ETHE1: variants seen among roughly 807,000 people sequenced by gnomAD.
The protein encoded by ETHE1 is ETHE1 persulfide dioxygenase.
A neutral mutation model predicts 25.7 loss-of-function variants in ETHE1; 16 were observed. The ratio of observed to expected loss-of-function variants is 0.62; its 90% CI spans 0.42 to 0.95. The LOEUF is 0.95. ETHE1 is among the 40% of genes least tolerant of loss of function. ETHE1 has a pLI of 0.00. For missense variants in ETHE1, 300 were observed against 333.6 expected, an observed-to-expected ratio of 0.90 and a Z score of 0.79; for synonymous variants, 139 against 135.9, an observed-to-expected ratio of 1.02 and a Z score of -0.16.
intron 3 of ETHE1, 112 bp downstream of exon 3, chr19:43,526,089 C>T: frequency 6.5e-7 from 1 of 1,541,606 alleles, no homozygotes; most frequent in South Asian, 1.1e-5. Flanking sequence ...AAACCCAGGT[C>T]CTGAGGTCCC....
At position 43,508,535 on chromosome 19, in the gene ETHE1, T is replaced by G. The variant is rs560755414; in HGVS notation, c.595+240A>C. Among the ~76,000 whole-genome samples, 3 of 152,212 alleles carry G rather than the reference T, an allele frequency of 2.0e-5. No homozygotes were observed. In the East Asian group the frequency reaches 5.8e-4, roughly 29 times the overall value. On this transcript the variant is annotated intron_variant, in intron 5 of 6. Transcript: ENST00000292147. Reference sequence around the variant, plus strand: ...CTTGTATTTTGTAGAGGCAGGGTTTTGCCATGTTACTCCAGCTGGTCTCGA... The same window carrying G: ...CTTGTATTTTGTAGAGGCAGGGTTTGGCCATGTTACTCCAGCTGGTCTCGA...
rs143289826 is a variant in ETHE1, at chr19:43,520,139, A to G, written c.375+6062T>C. Among the ~76,000 whole-genome samples the G allele has an allele frequency of 4.9e-4, 75 of 151,982 alleles. No individual in the cohort carries two copies. The East Asian group carries it at 0.012, about 25-fold the overall frequency. On this transcript the variant is annotated intron_variant, in intron 3 of 6. Coordinates refer to ENST00000292147, the MANE Select transcript of ETHE1 (RefSeq NM_014297.5). ...CAAGGCAGGTGGATCACTTGAGGTC[A>G]GGAGTTCGAGACCAGCCTGGCCAAC...
chr19:43,507,046 G>A (rs566134024), intron 6 of ETHE1, 144 bp from the exon 7 acceptor site: 1 of 793,892 alleles, frequency 1.3e-6, no homozygotes, highest in East Asian at 2.7e-5. Flanking sequence ...AGACCCAGGA[G>A]TCCAGTACCC....
At chr19:43,513,293 G>A (rs914704579) in intron 3 of ETHE1, among the ~76,000 whole-genome samples, 3 of 151,986 alleles carry the variant, frequency 2.0e-5, no homozygotes, top group African/African-American at 2.4e-5. Flanking sequence ...GTGAGAAGAG[G>A]GCCATCGCCC....
chr19:43,526,817 C>T, intron 1 of ETHE1, 158 bp from the exon 2 acceptor site: 1 of 1,505,372 alleles, frequency 6.6e-7, no homozygotes. Context: ...CCACTACCTT[C>T]CCCTATCAGA....
chr19:43,508,627 G>GC (rs1460732291), intron 5 of ETHE1, 148 bp downstream of exon 5: 1 of 736,570 alleles, frequency 1.4e-6, no homozygotes, highest in African/African-American at 1.7e-5. Context: ...ACAAGTGTGA[G>GC]CCCCCTTGCC....
chr19:43,510,263 G>T (rs1382334537), intron 4 of ETHE1, among the ~76,000 whole-genome samples: 1 of 151,958 alleles, frequency 6.6e-6, no homozygotes, highest in African/African-American at 2.4e-5. Context: ...GCCCCTAGCA[G>T]CTAGACTCCA....
chr19:43,522,328 G>A (rs1294340637), intron 3 of ETHE1, among the ~76,000 whole-genome samples: 2 of 152,004 alleles, frequency 1.3e-5, no homozygotes, highest in East Asian at 1.9e-4. Context: ...AGGAGGCTGC[G>A]GTAGGAGGAT....
chr19:43,507,249 T>C (rs1384497771), intron 6 of ETHE1, among the ~76,000 whole-genome samples: 6 of 48,370 alleles, frequency 1.2e-4, no homozygotes, highest in East Asian at 5.6e-4. Flanking sequence ...CCCCAGCCCC[T>C]CCTCCCTCAG....
rs779577885 is a variant in ETHE1, at chr19:43,526,511, T to A, written c.226+4A>T. On this transcript the variant is annotated splice_donor_region_variant and intron_variant, in intron 2 of 6. Transcript: ENST00000292147. The stretch of plus-strand genomic sequence containing the variant: ...GGATCCATGAGTTTGGTCCCCGGAC[T>A]GACCAGCATAGAGCAGCCGCAGCCC... The A allele has an allele frequency of 6.2e-7, 1 of 1,612,926 alleles. No individual in the cohort carries two copies. The highest frequency in any genetic ancestry group is 8.5e-7 in the Non-Finnish European group (1 of 1,179,592).
chr19:43,525,983 GT>G, intron 3 of ETHE1: 1 of 629,628 alleles, frequency 1.6e-6, no homozygotes, highest in South Asian at 1.9e-5. Context: ...TGACTTAGGA[GT>G]TCCGCCAGTG....
intron 3 of ETHE1, among the ~76,000 whole-genome samples, chr19:43,523,979 T>G (rs893181587): frequency 3.3e-5 from 5 of 151,860 alleles, no homozygotes; most frequent in African/African-American, 1.2e-4. Flanking sequence ...CTCATGCCTG[T>G]AATCCCAACA....
At chr19:43,517,275 T>A (rs1024960086) in intron 3 of ETHE1, among the ~76,000 whole-genome samples, 3 of 110,512 alleles carry the variant, frequency 2.7e-5, no homozygotes, top group African/African-American at 1.1e-4. Flanking sequence ...TTTGCCCAAC[T>A]GTAGGCTAAT....
Position 43,506,891 on chromosome 19 carries a change from G to C in ETHE1, c.724C>G (p.Pro242Ala), listed in dbSNP as rs1568490341. The C allele has an allele frequency of 1.9e-6, 3 of 1,613,872 alleles. No homozygotes were observed. Among genetic ancestry groups the C allele is most frequent in the Non-Finnish European group, 1.7e-6 (2 of 1,179,924 alleles). ...TGCACCCCACAGCGCATGTTGGCTGGAACAGCAAAGTCTGAAAGGAAGAAA... is the reference window on the plus strand; with the variant it reads ...TGCACCCCACAGCGCATGTTGGCTGCAACAGCAAAGTCTGAAAGGAAGAAA... ...PKPQQIDFAVPANMRCGVQTP... is the reference protein window; with the variant it reads ...PKPQQIDFAVAANMRCGVQTP... The change falls in exon 7 of 7, where the codon CCA (proline) becomes GCA (alanine). Residue 242 changes from proline to alanine, a missense_variant. Transcript: ENST00000292147.
Position 43,506,753 on chromosome 19 carries a change from G to T in ETHE1, c.*97C>A. 1 of 1,175,394 alleles carries T rather than the reference G, an allele frequency of 8.5e-7. No individual in the cohort carries two copies. Among genetic ancestry groups the T allele is most frequent in the South Asian group, 1.2e-5 (1 of 82,034 alleles). 72.8% of individuals were successfully genotyped at this position (1,175,394 alleles called of 1,614,324 possible). On this transcript the variant is annotated 3_prime_UTR_variant, in exon 7 of 7. Coordinates refer to ENST00000292147, the MANE Select transcript of ETHE1 (RefSeq NM_014297.5). ...AAAAAGTTTTATTTAGGGAGCTCCAGGGAATGCGGTGGGAAAGGAGAGGTG... is the reference window on the plus strand; with the variant it reads ...AAAAAGTTTTATTTAGGGAGCTCCATGGAATGCGGTGGGAAAGGAGAGGTG...
At chr19:43,517,022 C>T (rs1039017888) in intron 3 of ETHE1, among the ~76,000 whole-genome samples, 3 of 150,612 alleles carry the variant, frequency 2.0e-5, no homozygotes, top group Admixed American at 6.6e-5. Context: ...TGGGCTCTCA[C>T]TATGTTGACC....
chr19:43,523,486 A>G (rs529410920), intron 3 of ETHE1, among the ~76,000 whole-genome samples: 3 of 149,530 alleles, frequency 2.0e-5, no homozygotes, highest in African/African-American at 7.3e-5. Flanking sequence ...CATGTTGGCC[A>G]GGCTGATCTC....
chr19:43,518,537 G>A (rs549319822), intron 3 of ETHE1, among the ~76,000 whole-genome samples: 113 of 151,874 alleles, frequency 7.4e-4, no homozygotes, highest in Middle Eastern at 6.8e-3. Context: ...ACGAGGTCAG[G>A]AGATCGAGAC....
intron 3 of ETHE1, among the ~76,000 whole-genome samples, chr19:43,520,181 G>A (rs1028999097): frequency 3.3e-5 from 5 of 151,598 alleles, no homozygotes; most frequent in East Asian, 2.0e-4. Context: ...AAACCCCATC[G>A]CTACTAAAAA....
Sources: gnomAD v4.1 joint callset for allele counts (sites outside exome capture counted in the v4.1 genomes callset) on GRCh38, gnomAD v4.1.1 for gene constraint, MANE v1.5 for transcripts, NCBI Gene and HGNC (gene_info 2026-07-23, HGNC 2026-07-21) for gene names.